The following ADAMTS12 variants were observed in gnomAD, a reference collection of about 807,000 sequenced individuals.
ADAMTS12 encodes the protein ADAM metallopeptidase with thrombospondin type 1 motif 12.
A neutral mutation model predicts 167.8 loss-of-function variants in ADAMTS12; 118 were observed. The observed-to-expected ratio is 0.70, with a 90% CI of 0.61 to 0.82. The LOEUF is 0.82. Among genes scored for constraint, ADAMTS12 ranks in the 40% least tolerant of loss-of-function variants. The pLI, the probability that ADAMTS12 is intolerant of heterozygous loss-of-function variation, is 0.00. For missense variants in ADAMTS12, 1,916 were observed against 1,998.8 expected (o/e 0.96, Z 0.79); for synonymous variants, 704 against 716.9 (o/e 0.98, Z 0.29).
At chr5:33,760,728 T>C (rs1745322837) in intron 2 of ADAMTS12, among the ~76,000 whole-genome samples, 1 of 152,212 alleles carries the variant, frequency 6.6e-6, no homozygotes, top group Non-Finnish European at 1.5e-5. Context: ...GGGAGCCCCA[T>C]AAATGACACC....
At chr5:33,849,043 G>A (rs1477604344) in intron 2 of ADAMTS12, among the ~76,000 whole-genome samples, 11 of 142,564 alleles carry the variant, frequency 7.7e-5, no homozygotes, top group African/African-American at 2.4e-4. Context: ...ATATATATAT[G>A]TATTGCATAG....
intron 16 of ADAMTS12, among the ~76,000 whole-genome samples, chr5:33,608,421 A>T (rs771132060): frequency 6.6e-6 from 1 of 152,234 alleles, no homozygotes; most frequent in Non-Finnish European, 1.5e-5. Flanking sequence ...ATTCCTAAAA[A>T]GTTGGGTCTT....
chr5:33,730,461 A>T (rs1196051405), intron 3 of ADAMTS12, among the ~76,000 whole-genome samples: 2 of 151,904 alleles, frequency 1.3e-5, no homozygotes, highest in Non-Finnish European at 2.9e-5. Context: ...CTCCTCTTGT[A>T]TGTGTTCCTT....
chr5:33,648,911 T>C lies in ADAMTS12; in HGVS notation c.1390A>G (p.Lys464Glu). 1 of 1,614,066 alleles carries C rather than the reference T, an allele frequency of 6.2e-7. No individual in the cohort carries two copies. Among genetic ancestry groups the C allele is most frequent in the South Asian group, 1.1e-5 (1 of 91,068 alleles). The change falls in exon 9 of 24, where the codon AAG (lysine) becomes GAG (glutamate). Residue 464 changes from lysine (K) to glutamate (E), a missense_variant. Lys to Glu is a moderately conservative substitution (Grantham distance 56). Coordinates refer to ENST00000504830, the MANE Select transcript of ADAMTS12 (RefSeq NM_030955.4). ...DIPKKKGLKS[K>E]VIAPGVIYDV... The stretch of plus-strand genomic sequence containing the variant: ...TAGATCACTCCGGGGGCAATGACCT[T>C]GGACTTCAAGCCTTTCTTTTTAGGT...
chr5:33,616,823 C>A (rs1739040803), intron 14 of ADAMTS12, among the ~76,000 whole-genome samples: 1 of 152,176 alleles, frequency 6.6e-6, no homozygotes, highest in Non-Finnish European at 1.5e-5. Flanking sequence ...CAGCCACAGT[C>A]TTATTATTCC....
intron 13 of ADAMTS12, among the ~76,000 whole-genome samples, chr5:33,629,078 A>T (rs11749644): frequency 6.6e-6 from 1 of 151,956 alleles, no homozygotes; most frequent in Non-Finnish European, 1.5e-5. Flanking sequence ...TGGGATGTGG[A>T]GTCTGGGCAT....
intron 2 of ADAMTS12, chr5:33,880,766 C>T: frequency 4.0e-6 from 1 of 247,414 alleles, no homozygotes; most frequent in East Asian, 8.3e-5. Context: ...CTAGGTTCTG[C>T]TCATTCAAAA....
chr5:33,849,474 T>A (rs893458596), intron 2 of ADAMTS12, among the ~76,000 whole-genome samples: 6 of 141,922 alleles, frequency 4.2e-5, no homozygotes, highest in Non-Finnish European at 7.5e-5. Context: ...TATATATATG[T>A]ATTGCACAGC....
In ADAMTS12 at chr5:33,881,304, G is replaced by C; in HGVS notation, c.304C>G (p.Leu102Val). The stretch of plus-strand genomic sequence containing the variant: ...TGATTGACCGTCAAGTTAAAAAACA[G>C]GTCCTTCTCCTCGTGAGAAATTCTG... ...YYRISHEEKD[L>V]FFNLTVNQGF... The change falls in exon 2 of 24, where the codon CTG becomes GTG. Residue 102 changes from leucine to valine, a missense_variant. Leu to Val is a conservative substitution (Grantham distance 32). Coordinates refer to ENST00000504830, the MANE Select transcript of ADAMTS12 (RefSeq NM_030955.4). 1 of 1,614,178 alleles carries C rather than the reference G, an allele frequency of 6.2e-7. No homozygotes were observed. The highest frequency in any genetic ancestry group is 1.3e-5 in the African/African-American group (1 of 75,046).
rs563784552 is a variant in ADAMTS12 at position 33,544,634 on chromosome 5, A to G, written c.4446+1425T>C. 2.4e-4 allele frequency among the ~76,000 whole-genome samples: 37 copies of G among 152,318 alleles called. 1 individual carries two copies. The East Asian group carries it at 5.8e-3, about 24-fold the overall frequency. Reference sequence around the variant, plus strand: ...TTATACTACAAGGCTACAGTAACCAAAACAGCATGGTACTAGTACCAAAAC... The same window carrying G: ...TTATACTACAAGGCTACAGTAACCAGAACAGCATGGTACTAGTACCAAAAC... On this transcript the variant is annotated intron_variant, in intron 22 of 23. Transcript: ENST00000504830.
At chr5:33,648,094 T>C (rs926412233) in intron 9 of ADAMTS12, among the ~76,000 whole-genome samples, 1 of 152,234 alleles carries the variant, frequency 6.6e-6, no homozygotes, top group Non-Finnish European at 1.5e-5. Context: ...ACAGATACTT[T>C]TGCATTATAA....
rs1230036199 is a variant in ADAMTS12, at chr5:33,546,105, C to A, written c.4400G>T (p.Cys1467Phe). ...WTKRPTSTMS[C>F]NEHLCCHWAT... ...CCAGTGACAGCACAGGTGCTCATTGCAAGACATGGTGGATGTGGGTCTTTT... is the reference window on the plus strand; with the variant it reads ...CCAGTGACAGCACAGGTGCTCATTGAAAGACATGGTGGATGTGGGTCTTTT... Residue 1467 changes from cysteine to phenylalanine, a missense_variant, in exon 22 of 24, where the codon TGC (cysteine) becomes TTC (phenylalanine). Cys to Phe is a radical substitution (Grantham distance 205). Coordinates refer to ENST00000504830, the MANE Select transcript of ADAMTS12 (RefSeq NM_030955.4). 4.3e-6 allele frequency: 7 copies of A among 1,613,764 alleles called. No individual in the cohort carries two copies.
In ADAMTS12 at chr5:33,609,665, T is replaced by C. The variant is rs1449603952; in HGVS notation, c.2527+4573A>G. ...TCTACTTAATATGAGTTCTGCTTAA[T>C]GTAAATAAGTCAACGTAAACAAAGT... On this transcript the variant is annotated intron_variant, in intron 16 of 23. Transcript: ENST00000504830. Among the ~76,000 whole-genome samples, 5 of 152,168 alleles carry C rather than the reference T, an allele frequency of 3.3e-5. No homozygotes were observed. In the South Asian group the frequency reaches 1.0e-3, roughly 31 times the overall value.
At chr5:33,780,159 T>G (rs530853922) in intron 2 of ADAMTS12, among the ~76,000 whole-genome samples, 1 of 152,264 alleles carries the variant, frequency 6.6e-6, no homozygotes, top group South Asian at 2.1e-4. Context: ...AAGAAGTCTG[T>G]TAAGATAAAG....
In ADAMTS12 at chr5:33,658,322, C is replaced by T; in HGVS notation, c.1052G>A (p.Cys351Tyr). 1 of 1,613,520 alleles carries T rather than the reference C, an allele frequency of 6.2e-7. No homozygotes were observed. The highest frequency in any genetic ancestry group is 8.5e-7 in the Non-Finnish European group (1 of 1,179,572). Residue 351 changes from cysteine to tyrosine, a missense_variant, in exon 7 of 24, where the codon TGT becomes TAT. Transcript: ENST00000504830. ...CTCGCAGGGGCGATTGAAACCAGCA[C>T]AGATGTCCTTTCTGAAAGCAGAGAA... ...VAVLLTRKDICAGFNRPCETL... is the reference protein window; with the variant it reads ...VAVLLTRKDIYAGFNRPCETL...
At position 33,658,242 on chromosome 5, in the gene ADAMTS12, T is replaced by A. The variant is rs941207284; in HGVS notation, c.1132A>T (p.Ile378Phe). The A allele has an allele frequency of 2.5e-6, 4 of 1,613,756 alleles. No individual in the cohort carries two copies. The highest frequency in any genetic ancestry group is 3.4e-6 in the Non-Finnish European group (4 of 1,179,714). The stretch of plus-strand genomic sequence containing the variant: ...AGAGGGAGTCCCGAATCTTCATTGA[T>A]GTTACAACTGCGGTGAGGCTGACAC... ...GMCQPHRSCN[I>F]NEDSGLPLAF... Residue 378 changes from isoleucine (I) to phenylalanine (F), a missense_variant, in exon 7 of 24, where the codon ATC (isoleucine) becomes TTC (phenylalanine). Transcript: ENST00000504830.
chr5:33,789,393 G>A (rs1378778956), intron 2 of ADAMTS12, among the ~76,000 whole-genome samples: 1 of 152,230 alleles, frequency 6.6e-6, no homozygotes, highest in African/African-American at 2.4e-5. Context: ...GGTTGGAGAT[G>A]GAACAGCCAC....
chr5:33,692,949 C>T (rs527558667), intron 3 of ADAMTS12, among the ~76,000 whole-genome samples: 1 of 152,204 alleles, frequency 6.6e-6, no homozygotes. Flanking sequence ...AAAGTAGACA[C>T]TATGCTTGGA....
rs151122217 is a variant in ADAMTS12, at chr5:33,640,437, T to G, written c.1718+1373A>C. 8.0e-4 allele frequency among the ~76,000 whole-genome samples: 122 copies of G among 152,348 alleles called. 1 individual carries two copies. In the East Asian group the frequency reaches 0.015, roughly 18 times the overall value. ...CTTTCACACTGGTGGTGTCTGAATA[T>G]ACAGCATTGACAATAAGTCCCAGAG... On this transcript the variant is annotated intron_variant, in intron 11 of 23. Coordinates refer to ENST00000504830, the MANE Select transcript of ADAMTS12 (RefSeq NM_030955.4).
Sources: allele counts gnomAD v4.1 joint callset (sites outside exome capture counted in the v4.1 genomes callset), GRCh38; gene constraint gnomAD v4.1.1; transcripts MANE v1.5; gene names NCBI Gene and HGNC (gene_info 2026-07-23, HGNC 2026-07-21).